PTBP3: variants seen among roughly 807,000 people sequenced by gnomAD.
The protein encoded by PTBP3 is polypyrimidine tract-binding protein 3.
In PTBP3, 20 loss-of-function variants were observed where a neutral mutation model predicts 58.7. The ratio of observed to expected loss-of-function variants is 0.34; its 90% CI spans 0.24 to 0.50. The LOEUF (loss-of-function observed/expected upper bound fraction) is 0.50, where lower values mean the gene tolerates loss of function less well. Among genes scored for constraint, PTBP3 ranks in the 20% least tolerant of loss-of-function variants. The probability of loss-of-function intolerance (pLI) is 0.98; values close to 1 mark genes in which losing one functional copy is unlikely to be tolerated. For synonymous variants in PTBP3, 185 were observed against 219.8 expected, an observed-to-expected ratio of 0.84 and a Z score of 1.40; for missense variants, 509 against 637.2, an observed-to-expected ratio of 0.80 and a Z score of 2.17.
At chr9:112,293,758 C>A (rs1205742958) in intron 2 of PTBP3, among the ~76,000 whole-genome samples, 1 of 152,178 alleles carries the variant, frequency 6.6e-6, no homozygotes, top group Non-Finnish European at 1.5e-5. Flanking sequence ...CTTCAACTGT[C>A]CTTGTTACCC....
intron 1 of PTBP3, among the ~76,000 whole-genome samples, chr9:112,308,611 G>A (rs1468077522): frequency 6.6e-6 from 1 of 151,980 alleles, no homozygotes; most frequent in African/African-American, 2.4e-5. Flanking sequence ...TAAAAGGAAG[G>A]AAAACTTGGA....
intron 2 of PTBP3, among the ~76,000 whole-genome samples, chr9:112,295,135 A>G (rs951929855): frequency 6.6e-6 from 1 of 151,834 alleles, no homozygotes; most frequent in African/African-American, 2.4e-5. Flanking sequence ...AGGTACTCAG[A>G]GGCCGAGGCA....
chr9:112,329,444 T>A (rs1405681348), intron 1 of PTBP3, among the ~76,000 whole-genome samples: 1 of 152,132 alleles, frequency 6.6e-6, no homozygotes, highest in Non-Finnish European at 1.5e-5. Flanking sequence ...ATGAAAAGAC[T>A]TTGGTAAAAC....
At chr9:112,242,035 T>C (rs1835679894) in intron 7 of PTBP3, among the ~76,000 whole-genome samples, 1 of 151,748 alleles carries the variant, frequency 6.6e-6, no homozygotes, top group Admixed American at 6.5e-5. Context: ...CAACTGTTAG[T>C]AGAATACTTC....
At chr9:112,239,260 A>G (rs1835549251) in intron 7 of PTBP3, among the ~76,000 whole-genome samples, 1 of 152,242 alleles carries the variant, frequency 6.6e-6, no homozygotes, top group African/African-American at 2.4e-5. Context: ...ACATTTATTC[A>G]GCAAATATTG....
At chr9:112,319,619 T>G (rs1209383178) in intron 1 of PTBP3, among the ~76,000 whole-genome samples, 1 of 152,070 alleles carries the variant, frequency 6.6e-6, no homozygotes, top group East Asian at 1.9e-4. Flanking sequence ...AGTATGGAAG[T>G]TTCTAAAAAT....
chr9:112,279,941 T>C (rs576093311), intron 2 of PTBP3, among the ~76,000 whole-genome samples: 27 of 152,238 alleles, frequency 1.8e-4, no homozygotes, highest in Non-Finnish European at 3.1e-4. Context: ...TAATTAATAA[T>C]TGATAATATA....
At chr9:112,363,923 C>T in the PTBP3 span, among the ~76,000 whole-genome samples, 4 of 152,130 alleles carry the variant, frequency 2.6e-5, no homozygotes, top group Admixed American at 2.0e-4. Context: ...TATATAATGA[C>T]ATATCTGTAA....
chr9:112,224,289 C>T, intron 12 of PTBP3, 79 bp from the exon 13 acceptor site: 1 of 830,428 alleles, frequency 1.2e-6, no homozygotes, highest in Non-Finnish European at 1.9e-6. Flanking sequence ...ATCATCAAAT[C>T]TCTAGAGTAC....
chr9:112,236,803 G>C (rs1309413431), intron 7 of PTBP3, among the ~76,000 whole-genome samples: 1 of 152,094 alleles, frequency 6.6e-6, no homozygotes, highest in Non-Finnish European at 1.5e-5. Context: ...GTTTATATCT[G>C]CTCCCTTATT....
At chr9:112,225,422 G>A (rs564998794) in intron 12 of PTBP3, among the ~76,000 whole-genome samples, 85 of 152,292 alleles carry the variant, frequency 5.6e-4, no homozygotes, top group African/African-American at 1.9e-3. Context: ...GAAAAAGGTG[G>A]TTACTGCTTA....
At chr9:112,333,648 C>G, upstream of PTBP3, 5 of 622,142 alleles carry the variant, frequency 8.0e-6, no homozygotes, top group South Asian at 1.2e-4. Context: ...CGGGCACGCT[C>G]CCGCCACCGC....
At chr9:112,355,413 T>A in the PTBP3 span, among the ~76,000 whole-genome samples, 1 of 152,086 alleles carries the variant, frequency 6.6e-6, no homozygotes, top group South Asian at 2.1e-4. Flanking sequence ...AAGAGTTAGG[T>A]CCAGCTGCAT....
chr9:112,252,893 C>G lies in PTBP3; in HGVS notation c.517-105G>C, dbSNP rs1012184795. The G allele has an allele frequency of 4.2e-6, 3 of 715,666 alleles. No homozygotes were observed. The African/African-American group carries it at 5.4e-5, about 13-fold the overall frequency. 44.3% of individuals were successfully genotyped at this position (715,666 alleles called of 1,614,324 possible). On this transcript the variant is annotated intron_variant, in intron 5 of 13. Transcript: ENST00000374257. ...AAATCCTTTTAAATGAAAATTTTCT[C>G]TTGAAAACTTTGGTACCAAAATGAC...
At chr9:112,318,010 A>C in intron 1 of PTBP3, among the ~76,000 whole-genome samples, 1 of 152,192 alleles carries the variant, frequency 6.6e-6, no homozygotes, top group East Asian at 1.9e-4. Context: ...AACTTAGTTG[A>C]AATACAAAAA....
At chr9:112,308,380 A>G (rs949595792) in intron 1 of PTBP3, among the ~76,000 whole-genome samples, 1 of 128,272 alleles carries the variant, frequency 7.8e-6, no homozygotes, top group Non-Finnish European at 1.7e-5. Context: ...AAAAAAAAAA[A>G]ACTTTTCTTT....
the PTBP3 span, among the ~76,000 whole-genome samples, chr9:112,351,693 ATATT>A: frequency 1.6e-4 from 25 of 152,128 alleles, no homozygotes; most frequent in Non-Finnish European, 3.2e-4. Flanking sequence ...GGACTCATGA[ATATT>A]TATTTATTTT....
At chr9:112,333,662 G>A, upstream of PTBP3, 1 of 562,180 alleles carries the variant, frequency 1.8e-6, no homozygotes, top group Non-Finnish European at 2.9e-6. Context: ...CCACCGCCGC[G>A]CCCCCGCCTT....
Position 112,231,362 on chromosome 9 carries a change from T to C in PTBP3, c.1054+18A>G. On this transcript the variant is annotated intron_variant, in intron 10 of 13. Coordinates refer to ENST00000374257, the MANE Select transcript of PTBP3 (RefSeq NM_001163788.4). ...TTCACACCTGTAGACAATAATAAAA[T>C]AGCAAAAATGAACTTACCAAATAGG... The C allele has an allele frequency of 6.4e-7, 1 of 1,566,796 alleles. No individual in the cohort carries two copies. Among genetic ancestry groups the C allele is most frequent in the South Asian group, 1.2e-5 (1 of 86,802 alleles).
Sources: gnomAD v4.1 joint callset for allele counts (sites outside exome capture counted in the v4.1 genomes callset) on GRCh38, gnomAD v4.1.1 for gene constraint, MANE v1.5 for transcripts, NCBI Gene and HGNC (gene_info 2026-07-23, HGNC 2026-07-21) for gene names.